GMCL1: variants seen among roughly 807,000 people sequenced by gnomAD.
The protein encoded by GMCL1 is germ cell-less protein-like 1.
A neutral mutation model predicts 75.5 loss-of-function variants in GMCL1; 54 were observed. The ratio of observed to expected loss-of-function variants is 0.71; its 90% CI spans 0.57 to 0.90. GMCL1 has a LOEUF of 0.90. GMCL1 is among the 40% of genes least tolerant of loss of function. GMCL1 has a pLI of 0.00. For missense variants in GMCL1, 537 were observed against 622.7 expected (o/e 0.86, Z 1.47); for synonymous variants, 210 against 209.6 (o/e 1.00, Z -0.02).
intron 5 of GMCL1, 70 bp downstream of exon 5, chr2:69,843,331 A>C (rs1675039955): frequency 6.6e-6 from 5 of 757,878 alleles, no homozygotes; most frequent in Non-Finnish European, 1.2e-5. Flanking sequence ...TTCTTAAGAG[A>C]ATGTATAGCT....
chr2:69,864,235 A>G lies in GMCL1; in HGVS notation c.1143-665A>G, dbSNP rs192790183. Among the ~76,000 whole-genome samples the G allele has an allele frequency of 3.4e-3, 514 of 152,076 alleles. 4 individuals are homozygous for G. The highest frequency in any genetic ancestry group is 8.2e-3 in the Admixed American group (125 of 15,276). ...TATTTTATTATGTATTATATATGCT[A>G]TTATTGTACCCAATTTCTAGGCATT... On this transcript the variant is annotated intron_variant, in intron 10 of 13. Coordinates refer to ENST00000282570, the MANE Select transcript of GMCL1 (RefSeq NM_178439.5).
At chr2:69,850,299 T>C (rs1429985538) in intron 8 of GMCL1, among the ~76,000 whole-genome samples, 1 of 152,194 alleles carries the variant, frequency 6.6e-6, no homozygotes, top group Non-Finnish European at 1.5e-5. Flanking sequence ...TATAAGGTCT[T>C]ATCTGTGCAA....
Position 69,863,233 on chromosome 2 carries a change from A to G in GMCL1, c.1143-1667A>G, listed in dbSNP as rs556939942. 1.4e-4 allele frequency among the ~76,000 whole-genome samples: 21 copies of G among 152,248 alleles called. No homozygotes were observed. The East Asian group carries it at 3.9e-3, about 28-fold the overall frequency. ...ACATCCTACAAATACTGCATTTTTG[A>G]TCTGATTTTGGTTGAGAAAAATCTG... is the stretch of plus-strand genomic sequence containing the variant. On this transcript the variant is annotated intron_variant, in intron 10 of 13. Transcript: ENST00000282570.
At chr2:69,841,137 T>A in intron 4 of GMCL1, 98 bp downstream of exon 4, 1 of 740,642 alleles carries the variant, frequency 1.4e-6, no homozygotes, top group East Asian at 2.7e-5. Flanking sequence ...TTTTTTGGAG[T>A]TTTTAAATAA....
chr2:69,831,263 A>G (rs535204114), intron 1 of GMCL1, among the ~76,000 whole-genome samples: 3 of 152,338 alleles, frequency 2.0e-5, no homozygotes, highest in African/African-American at 4.8e-5. Flanking sequence ...GTTTTGCTAT[A>G]CAAGTGTTAT....
At chr2:69,860,327 C>G (rs138362000) in intron 9 of GMCL1, among the ~76,000 whole-genome samples, 1 of 152,050 alleles carries the variant, frequency 6.6e-6, no homozygotes, top group Non-Finnish European at 1.5e-5. Flanking sequence ...TCTAAAATAG[C>G]TAATGTTTCC....
At chr2:69,855,139 A>AT (rs965643665) in intron 9 of GMCL1, among the ~76,000 whole-genome samples, 179 bp downstream of exon 9, 6 of 152,080 alleles carry the variant, frequency 3.9e-5, no homozygotes, top group African/African-American at 1.4e-4. Flanking sequence ...TATCATGAGT[A>AT]TTTTCCCATA....
chr2:69,859,647 C>T (rs2104010171), intron 9 of GMCL1, among the ~76,000 whole-genome samples: 1 of 149,518 alleles, frequency 6.7e-6, no homozygotes, highest in East Asian at 2.0e-4. Context: ...GAGAGGAGAA[C>T]TGCTTGAGCC....
chr2:69,835,507 G>A (rs1674794990), intron 1 of GMCL1, among the ~76,000 whole-genome samples: 1 of 151,698 alleles, frequency 6.6e-6, no homozygotes, highest in African/African-American at 2.4e-5. Flanking sequence ...ATTTAAGAAG[G>A]AGTAACTGGT....
chr2:69,864,589 A>C (rs1370152957), intron 10 of GMCL1, among the ~76,000 whole-genome samples: 4 of 66,418 alleles, frequency 6.0e-5, no homozygotes, highest in African/African-American at 2.4e-4. Flanking sequence ...TTAGACTTTT[A>C]CTTTTTTTTT....
chr2:69,878,865 T>C, intron 13 of GMCL1, 44 bp from the exon 14 acceptor site: 1 of 1,405,016 alleles, frequency 7.1e-7, no homozygotes, highest in Non-Finnish European at 1.0e-6. Flanking sequence ...TTTTTTGTTT[T>C]TATTTTATCT....
chr2:69,871,004 T>C (rs983268629), intron 12 of GMCL1, among the ~76,000 whole-genome samples: 1 of 152,186 alleles, frequency 6.6e-6, no homozygotes, highest in African/African-American at 2.4e-5. Flanking sequence ...TACCATATGA[T>C]CCAGCAGTTT....
chr2:69,861,461 A>G (rs1021066441), intron 10 of GMCL1, 114 bp downstream of exon 10: 26 of 595,182 alleles, frequency 4.4e-5, no homozygotes, highest in Non-Finnish European at 7.7e-5. Flanking sequence ...CTGTTGAAGT[A>G]AAGATCATAT....
intron 11 of GMCL1, among the ~76,000 whole-genome samples, chr2:69,867,704 C>T (rs1405099827): frequency 2.0e-5 from 3 of 152,212 alleles, no homozygotes; most frequent in Non-Finnish European, 4.4e-5. Flanking sequence ...TCAAGGGTTG[C>T]ACTCCATGCC....
chr2:69,865,954 A>T (rs1022078901), intron 11 of GMCL1, among the ~76,000 whole-genome samples: 16 of 152,084 alleles, frequency 1.1e-4, no homozygotes, highest in Admixed American at 2.0e-4. Flanking sequence ...ATATTTTTTT[A>T]AAAAAACTGA....
intron 8 of GMCL1, among the ~76,000 whole-genome samples, chr2:69,854,034 A>G (rs1318058139): frequency 6.6e-6 from 1 of 151,882 alleles, no homozygotes; most frequent in African/African-American, 2.4e-5. Flanking sequence ...TGAACTCCTG[A>G]CCTCGTGATC....
At chr2:69,872,150 T>C (rs1037270274) in intron 13 of GMCL1, among the ~76,000 whole-genome samples, 1 of 152,206 alleles carries the variant, frequency 6.6e-6, no homozygotes, top group African/African-American at 2.4e-5. Flanking sequence ...TCTTAAGTGC[T>C]TTATCCATTG....
At chr2:69,859,231 A>G (rs36081078) in intron 9 of GMCL1, among the ~76,000 whole-genome samples, 31,042 of 151,268 alleles carry the variant, frequency 0.21, 3,348 homozygotes, top group African/African-American at 0.25. Flanking sequence ...TTTCATTCCA[A>G]TTTTACAAAT....
In GMCL1 at chr2:69,864,986, G is replaced by A; in HGVS notation, c.1218+11G>A. 2 of 1,589,722 alleles carry A rather than the reference G, an allele frequency of 1.3e-6. No individual in the cohort carries two copies. The highest frequency in any genetic ancestry group is 1.1e-5 in the South Asian group (1 of 90,402). On this transcript the variant is annotated intron_variant, in intron 11 of 13. Transcript: ENST00000282570. ...GCCAAAGATGGTGAAGTAAGTATGGGTTGTGACTGTTAATATTCTTATACA... is the reference window on the plus strand; with the variant it reads ...GCCAAAGATGGTGAAGTAAGTATGGATTGTGACTGTTAATATTCTTATACA...
Sources: gnomAD v4.1 joint callset for allele counts (sites outside exome capture counted in the v4.1 genomes callset) on GRCh38, gnomAD v4.1.1 for gene constraint, MANE v1.5 for transcripts, NCBI Gene and HGNC (gene_info 2026-07-23, HGNC 2026-07-21) for gene names.